Variants in SLIT3 observed in about 807,000 individuals in gnomAD.
The protein encoded by SLIT3 is slit homolog 3 protein.
SLIT3 carries 68 observed loss-of-function variants against 184.0 expected under a neutral mutation model. The ratio of observed to expected loss-of-function variants is 0.37; its 90% CI spans 0.30 to 0.45. The LOEUF (loss-of-function observed/expected upper bound fraction) is 0.45. Ranked by LOEUF, SLIT3 falls within the 20% of genes least tolerant of loss-of-function variation. The pLI, the probability that SLIT3 is intolerant of heterozygous loss-of-function variation, is 1.00. For synonymous variants in SLIT3, 831 were observed against 828.6 expected, an observed-to-expected ratio of 1.00 and a Z score of -0.05; for missense variants, 1,707 against 2,026.0, an observed-to-expected ratio of 0.84 and a Z score of 3.02.
At chr5:168,733,514 G>A (rs1043732552) in intron 20 of SLIT3, among the ~76,000 whole-genome samples, 2 of 152,068 alleles carry the variant, frequency 1.3e-5, no homozygotes, top group African/African-American at 2.4e-5. Context: ...CACTATTCAC[G>A]ATAGCAAAGA....
At chr5:168,804,672 G>A (rs1756896219) in intron 9 of SLIT3, among the ~76,000 whole-genome samples, 1 of 152,212 alleles carries the variant, frequency 6.6e-6, no homozygotes, top group Non-Finnish European at 1.5e-5. Context: ...AGAGGGTGCG[G>A]AGGCATGGGT....
chr5:169,251,231 A>G (rs1258145519), intron 2 of SLIT3, among the ~76,000 whole-genome samples, 157 bp downstream of exon 2: 3 of 152,214 alleles, frequency 2.0e-5, no homozygotes, highest in Admixed American at 1.3e-4. Flanking sequence ...TGATACCTGT[A>G]AGCATGTGGG....
rs79989533 is a variant in SLIT3 at position 169,143,012 on chromosome 5, A to C, written c.413+50467T>G. The stretch of plus-strand genomic sequence containing the variant: ...ATCTGCCCCAGGGAGAATGATGCTG[A>C]GATGCAAAAGGAAGCAGATAGGAAA... On this transcript the variant is annotated intron_variant, in intron 4 of 35. Coordinates refer to ENST00000519560, the MANE Select transcript of SLIT3 (RefSeq NM_003062.4). Among the ~76,000 whole-genome samples the C allele has an allele frequency of 8.3e-3, 1,259 of 152,346 alleles. 19 individuals carry two copies. Among genetic ancestry groups the C allele is most frequent in the African/African-American group, 0.03 (1,227 of 41,578 alleles).
At chr5:168,730,512 A>C (rs756844469) in intron 20 of SLIT3, among the ~76,000 whole-genome samples, 1 of 152,120 alleles carries the variant, frequency 6.6e-6, no homozygotes, top group Non-Finnish European at 1.5e-5. Flanking sequence ...AAAACCTGAA[A>C]TTATATCAAG....
intron 4 of SLIT3, among the ~76,000 whole-genome samples, chr5:169,053,078 C>A (rs1181937442): frequency 6.6e-6 from 1 of 152,198 alleles, no homozygotes; most frequent in African/African-American, 2.4e-5. Context: ...GGTGTTATAC[C>A]TGTAGGGTCT....
At chr5:168,933,406 G>A (rs995088604) in intron 4 of SLIT3, among the ~76,000 whole-genome samples, 2 of 152,194 alleles carry the variant, frequency 1.3e-5, no homozygotes, top group Non-Finnish European at 2.9e-5. Flanking sequence ...GTGGGGCATG[G>A]TGGTATGCAC....
intron 4 of SLIT3, among the ~76,000 whole-genome samples, chr5:169,000,338 G>C (rs1208029286): frequency 7.4e-6 from 1 of 135,540 alleles, no homozygotes; most frequent in Admixed American, 8.4e-5. Flanking sequence ...GTTGCAGTGA[G>C]CTGAGATCAC....
chr5:168,773,707 C>G (rs1216384344), intron 13 of SLIT3, among the ~76,000 whole-genome samples: 1 of 152,040 alleles, frequency 6.6e-6, no homozygotes, highest in Non-Finnish European at 1.5e-5. Context: ...TTATGAATAC[C>G]TGTAGTGCAT....
intron 4 of SLIT3, among the ~76,000 whole-genome samples, chr5:168,972,367 G>GTGTGTGTGTGTGTA (rs1561582506): frequency 2.6e-5 from 4 of 151,382 alleles, no homozygotes; most frequent in African/African-American, 9.7e-5. Context: ...GTGTGTGTGT[G>GTGTGTGTGTGTGTA]TGTGTGTGTG....
intron 9 of SLIT3, among the ~76,000 whole-genome samples, chr5:168,800,617 A>G (rs1208894553): frequency 6.6e-6 from 1 of 152,118 alleles, no homozygotes; most frequent in Non-Finnish European, 1.5e-5. Context: ...AGAAAGGTAA[A>G]GTGTATTAGA....
intron 4 of SLIT3, among the ~76,000 whole-genome samples, chr5:169,120,650 T>TTAAGACAGC (rs1760842252): frequency 6.6e-6 from 1 of 152,244 alleles, no homozygotes; most frequent in Non-Finnish European, 1.5e-5. Context: ...TGGTAATTTG[T>TTAAGACAGC]TAAGACAGCA....
intron 1 of SLIT3, among the ~76,000 whole-genome samples, chr5:169,263,186 G>T (rs1463057437): frequency 6.6e-6 from 1 of 152,088 alleles, no homozygotes; most frequent in African/African-American, 2.4e-5. Context: ...TTCTACAAAA[G>T]AGAAAACCAG....
chr5:169,266,076 T>C (rs1766387792), intron 1 of SLIT3, among the ~76,000 whole-genome samples: 1 of 152,208 alleles, frequency 6.6e-6, no homozygotes, highest in Non-Finnish European at 1.5e-5. Context: ...GTGGCGACTA[T>C]CAGTCCAAAA....
chr5:168,981,142 T>C (rs1754931312), intron 4 of SLIT3, among the ~76,000 whole-genome samples: 1 of 152,232 alleles, frequency 6.6e-6, no homozygotes, highest in South Asian at 2.1e-4. Context: ...ACTATCTCAA[T>C]GTATGATTTT....
chr5:169,218,841 G>A (rs1431832354), intron 3 of SLIT3, among the ~76,000 whole-genome samples: 2 of 152,176 alleles, frequency 1.3e-5, no homozygotes, highest in Non-Finnish European at 2.9e-5. Flanking sequence ...GTACTCTTTA[G>A]GTAATGAGAT....
At chr5:169,159,439 C>G (rs1225680817) in intron 4 of SLIT3, among the ~76,000 whole-genome samples, 7 of 151,784 alleles carry the variant, frequency 4.6e-5, no homozygotes, top group African/African-American at 1.7e-4. Flanking sequence ...AAAAACAAAA[C>G]AACAACAGCA....
chr5:168,817,614 A>G, intron 7 of SLIT3, 151 bp from the exon 8 acceptor site: 1 of 689,056 alleles, frequency 1.5e-6, no homozygotes. Flanking sequence ...CTGCACTACC[A>G]AAAACATGGG....
intron 25 of SLIT3, 132 bp from the exon 26 acceptor site, chr5:168,708,232 G>T (rs368798584): frequency 1.6e-6 from 2 of 1,257,392 alleles, no homozygotes; most frequent in African/African-American, 3.0e-5. Flanking sequence ...GATGGCAGCT[G>T]GCTCTCCTCA....
chr5:169,020,268 G>T (rs1399206695), intron 4 of SLIT3, among the ~76,000 whole-genome samples: 2 of 152,130 alleles, frequency 1.3e-5, no homozygotes, highest in African/African-American at 4.8e-5. Context: ...ACATAACTAG[G>T]ACTACATCTC....
Sources: gnomAD v4.1 joint callset for allele counts (sites outside exome capture counted in the v4.1 genomes callset) on GRCh38, gnomAD v4.1.1 for gene constraint, MANE v1.5 for transcripts, NCBI Gene and HGNC (gene_info 2026-07-23, HGNC 2026-07-21) for gene names.